The following SLC2A14 variants were observed in gnomAD, a reference collection of about 807,000 sequenced individuals.
The protein encoded by SLC2A14 is solute carrier family 2, facilitated glucose transporter member 14.
In SLC2A14, 13 loss-of-function variants were observed where a neutral mutation model predicts 43.0. The ratio of observed to expected loss-of-function variants is 0.30; its 90% CI spans 0.20 to 0.48. SLC2A14 has a LOEUF of 0.48. SLC2A14 is among the 20% of genes least tolerant of loss of function. The probability of loss-of-function intolerance (pLI) is 0.99; values close to 1 mark genes in which losing one functional copy is unlikely to be tolerated. For synonymous variants in SLC2A14, 190 were observed against 233.8 expected, an observed-to-expected ratio of 0.81 and a Z score of 1.71; for missense variants, 428 against 620.4, an observed-to-expected ratio of 0.69 and a Z score of 3.29.
chr12:7,885,189 A>G (rs1945668081), intron 1 of SLC2A14, among the ~76,000 whole-genome samples: 1 of 152,146 alleles, frequency 6.6e-6, no homozygotes. Context: ...AACTAAAAAG[A>G]GCCAGGTGTG....
intron 2 of SLC2A14, among the ~76,000 whole-genome samples, chr12:7,839,431 A>C (rs1041121972): frequency 2.6e-5 from 4 of 152,196 alleles, no homozygotes; most frequent in South Asian, 2.1e-4. Context: ...GCAGAGTGGC[A>C]GGAGAAATGA....
rs941860854 is a variant in SLC2A14 at position 7,865,491 on chromosome 12, C to T, written c.18+4372G>A. ...GGCGGAGGTTACAGTGAGCCGAGAT[C>T]GTGCCACTGCACTCCAGCCTGGGCG... On this transcript the variant is annotated intron_variant, in intron 2 of 10. Transcript: ENST00000431042. 6.6e-5 allele frequency among the ~76,000 whole-genome samples: 10 copies of T among 151,458 alleles called. No homozygotes were observed. The East Asian group carries it at 1.6e-3, about 23-fold the overall frequency.
intron 2 of SLC2A14, among the ~76,000 whole-genome samples, chr12:7,859,274 C>T (rs1944414502): frequency 6.6e-6 from 1 of 152,072 alleles, no homozygotes; most frequent in Non-Finnish European, 1.5e-5. Flanking sequence ...CCTGTAATCC[C>T]AGCTACTCAG....
At chr12:7,891,099 TCTA>T (rs1313514676) in exon 1 of SLC2A14, 8 of 1,534,540 alleles carry the variant, frequency 5.2e-6, no homozygotes, top group Non-Finnish European at 1.7e-6. Flanking sequence ...CAGGAGTACT[TCTA>T]CTCTCAACAG....
chr12:7,840,212 GACAC>G (rs1230349891), intron 2 of SLC2A14, among the ~76,000 whole-genome samples: 1 of 131,594 alleles, frequency 7.6e-6, no homozygotes, highest in Non-Finnish European at 1.5e-5. Context: ...ACCATGTGAG[GACAC>G]ATCACTCGTC....
intron 2 of SLC2A14, among the ~76,000 whole-genome samples, chr12:7,861,242 C>CT (rs1428078535): frequency 4.0e-5 from 6 of 151,858 alleles, no homozygotes; most frequent in East Asian, 3.9e-4. Flanking sequence ...GAGCAATAGT[C>CT]TTTTTTTTGG....
upstream of SLC2A14, among the ~76,000 whole-genome samples, chr12:7,875,314 C>T (rs774562173): frequency 6.8e-6 from 1 of 147,472 alleles, no homozygotes; most frequent in South Asian, 2.1e-4. Context: ...TCAAGGCCAG[C>T]CTGCCCAACA....
chr12:7,856,236 A>T (rs941097222), intron 2 of SLC2A14: 3 of 152,106 alleles, frequency 2.0e-5, no homozygotes, highest in Non-Finnish European at 2.9e-5. Flanking sequence ...GGATCACTTG[A>T]GGCCAGCAGT....
At chr12:7,883,872 C>A (rs1945639024) in intron 1 of SLC2A14, among the ~76,000 whole-genome samples, 1 of 151,852 alleles carries the variant, frequency 6.6e-6, no homozygotes, top group Non-Finnish European at 1.5e-5. Flanking sequence ...CATGAGCCAC[C>A]ACGCCTGGCC....
At chr12:7,825,685 C>T (rs1156236056) in intron 7 of SLC2A14, among the ~76,000 whole-genome samples, 1 of 148,508 alleles carries the variant, frequency 6.7e-6, no homozygotes, top group African/African-American at 2.5e-5. Context: ...ATCGCTTGAA[C>T]CCGGAGGCAG....
At position 7,818,761 on chromosome 12, in the gene SLC2A14, A is replaced by G. The variant is rs143285041; in HGVS notation, c.1071+721T>C. On this transcript the variant is annotated intron_variant, in intron 9 of 10. Transcript: ENST00000431042. ...GGTCTTGAACTTCTGGGCTCAAGCA[A>G]TCCTCTCACCTTGGCCTCCCAAAGT... is the stretch of plus-strand genomic sequence containing the variant. 4.5e-3 allele frequency among the ~76,000 whole-genome samples: 677 copies of G among 151,720 alleles called. 4 individuals are homozygous for G. Among genetic ancestry groups the G allele is most frequent in the African/African-American group, 0.015 (611 of 41,316 alleles).
intron 1 of SLC2A14, chr12:7,871,813 C>T: frequency 1.4e-6 from 1 of 724,378 alleles, no homozygotes. Context: ...AGTCCCCTCT[C>T]AGAGGACAGG....
intron 7 of SLC2A14, among the ~76,000 whole-genome samples, chr12:7,826,817 T>C (rs955993711): frequency 3.1e-5 from 4 of 127,826 alleles, no homozygotes; most frequent in African/African-American, 8.9e-5. Flanking sequence ...GCTCGCTCTT[T>C]TTTCTTTCTT....
intron 2 of SLC2A14, among the ~76,000 whole-genome samples, 161 bp downstream of exon 2, chr12:7,869,702 G>C (rs1242796988): frequency 6.6e-6 from 1 of 152,114 alleles, no homozygotes; most frequent in Non-Finnish European, 1.5e-5. Context: ...AAGATTTTGG[G>C]AATGTACCAA....
chr12:7,863,392 T>C, intron 2 of SLC2A14: 1 of 453,458 alleles, frequency 2.2e-6, no homozygotes, highest in Non-Finnish European at 4.4e-6. Flanking sequence ...GGCTTCATTC[T>C]TGAAGTCAGT....
intron 2 of SLC2A14, among the ~76,000 whole-genome samples, chr12:7,853,354 G>A (rs771930922): frequency 5.5e-5 from 8 of 145,336 alleles, no homozygotes; most frequent in South Asian, 2.2e-4. Flanking sequence ...CAGGAGAATC[G>A]CTTGAACCCG....
chr12:7,831,581 C>A, intron 4 of SLC2A14, 23 bp downstream of exon 4: 2 of 1,613,522 alleles, frequency 1.2e-6, no homozygotes, highest in Non-Finnish European at 1.7e-6. Flanking sequence ...AGCCCACTTC[C>A]TTGCCCAGTT....
At chr12:7,843,476 ATT>A (rs146224198) in intron 2 of SLC2A14, among the ~76,000 whole-genome samples, 28 of 138,014 alleles carry the variant, frequency 2.0e-4, no homozygotes, top group Non-Finnish European at 3.4e-4. Context: ...ATACCATTGA[ATT>A]CACTGAGACA....
Position 7,828,711 on chromosome 12 carries a change from A to G in SLC2A14, c.669T>C (p.Ala223=), listed in dbSNP as rs1864725030. Residue 223 remains alanine, a synonymous_variant, in exon 6 of 11, where the codon GCT becomes GCC. Transcript: ENST00000431042. ...LLINRKKEEN[A]TRILQRLWGT... ...AGAGTGAAAGATACTCACTCCGCGT[A>G]GCATTCTCCTCTTTTTTTCTGTTAA... 1 of 1,613,990 alleles carries G rather than the reference A, an allele frequency of 6.2e-7. No homozygotes were observed. The highest frequency in any genetic ancestry group is 1.1e-5 in the South Asian group (1 of 91,086).
Sources: allele counts gnomAD v4.1 joint callset (sites outside exome capture counted in the v4.1 genomes callset), GRCh38; gene constraint gnomAD v4.1.1; transcripts MANE v1.5; gene names NCBI Gene and HGNC (gene_info 2026-07-23, HGNC 2026-07-21).